GPM6A: variants seen among roughly 807,000 people sequenced by gnomAD.
GPM6A encodes glycoprotein M6A.
A neutral mutation model predicts 32.1 loss-of-function variants in GPM6A; 7 were observed. The observed-to-expected ratio is 0.22, with a 90% CI of 0.12 to 0.41. The LOEUF (loss-of-function observed/expected upper bound fraction) is 0.41. GPM6A is among the 10% of genes least tolerant of loss of function. The pLI is 1.00. For synonymous variants in GPM6A, 130 were observed against 123.4 expected (o/e 1.05, Z -0.35); for missense variants, 235 against 347.2 (o/e 0.68, Z 2.57).
At chr4:175,719,634 A>G (rs1185974667) in intron 1 of GPM6A, among the ~76,000 whole-genome samples, 1 of 152,070 alleles carries the variant, frequency 6.6e-6, no homozygotes, top group East Asian at 1.9e-4. Flanking sequence ...AATTGCCACC[A>G]TTTGTTAAAA....
intron 3 of GPM6A, among the ~76,000 whole-genome samples, chr4:175,658,118 G>T (rs542798615): frequency 6.6e-6 from 1 of 151,954 alleles, no homozygotes; most frequent in African/African-American, 2.4e-5. Context: ...GATTTGTTAC[G>T]CTTATAACAA....
intron 6 of GPM6A, among the ~76,000 whole-genome samples, chr4:175,635,654 C>T (rs1740535625): frequency 6.6e-6 from 1 of 152,020 alleles, no homozygotes; most frequent in Non-Finnish European, 1.5e-5. Context: ...TGGAATAGTG[C>T]CATGTTCAAA....
chr4:175,812,311 T>TTG, upstream of GPM6A: 5 of 1,152,058 alleles, frequency 4.3e-6, no homozygotes, highest in Non-Finnish European at 2.2e-6. Context: ...GTTTTTTTTT[T>TTG]TTTTTTTTTT....
intron 1 of GPM6A, among the ~76,000 whole-genome samples, chr4:175,984,033 A>ACC (rs1740894612): frequency 1.3e-5 from 2 of 151,896 alleles, no homozygotes; most frequent in African/African-American, 4.8e-5. Context: ...TCACACACAC[A>ACC]CACACACTCA....
intron 1 of GPM6A, among the ~76,000 whole-genome samples, chr4:175,912,532 G>A (rs1266203176): frequency 2.0e-5 from 3 of 152,140 alleles, no homozygotes; most frequent in Non-Finnish European, 4.4e-5. Context: ...GTGCATGCCT[G>A]TAGTCCCAGC....
chr4:175,686,382 A>G (rs1488991124), intron 2 of GPM6A, among the ~76,000 whole-genome samples: 5 of 152,236 alleles, frequency 3.3e-5, no homozygotes, highest in South Asian at 2.1e-4. Flanking sequence ...GTGAATATTA[A>G]CTTTCATGGC....
intron 1 of GPM6A, among the ~76,000 whole-genome samples, chr4:175,967,609 C>T (rs1161690316): frequency 6.6e-6 from 1 of 152,066 alleles, no homozygotes; most frequent in Non-Finnish European, 1.5e-5. Context: ...TAGTCAATCA[C>T]TTTCTTATAT....
intron 1 of GPM6A, among the ~76,000 whole-genome samples, chr4:175,892,563 C>T (rs1403628955): frequency 6.6e-6 from 1 of 152,114 alleles, no homozygotes; most frequent in East Asian, 1.9e-4. Context: ...ATATTTTCAT[C>T]CACTTTGTAA....
chr4:175,958,258 G>A (rs911559774), intron 1 of GPM6A, among the ~76,000 whole-genome samples: 2 of 152,100 alleles, frequency 1.3e-5, no homozygotes, highest in Non-Finnish European at 2.9e-5. Context: ...AATATTAGTT[G>A]GGCCATATAA....
intron 1 of GPM6A, among the ~76,000 whole-genome samples, chr4:175,710,936 G>A (rs1419389742): frequency 6.6e-6 from 1 of 151,948 alleles, no homozygotes; most frequent in Non-Finnish European, 1.5e-5. Context: ...GTATTACCAG[G>A]ACACCCAATG....
chr4:175,923,413 G>A (rs1047856450), intron 1 of GPM6A, among the ~76,000 whole-genome samples: 16 of 150,152 alleles, frequency 1.1e-4, no homozygotes, highest in African/African-American at 3.2e-4. Flanking sequence ...TGAATAGTGA[G>A]AGGCAAGCAT....
chr4:175,897,938 T>G (rs1180748706), intron 1 of GPM6A, among the ~76,000 whole-genome samples: 1 of 152,162 alleles, frequency 6.6e-6, no homozygotes, highest in East Asian at 1.9e-4. Context: ...CCTGTTATAT[T>G]TTACTAAAGT....
At chr4:175,651,066 C>G (rs1741774620) in intron 4 of GPM6A, among the ~76,000 whole-genome samples, 1 of 152,142 alleles carries the variant, frequency 6.6e-6, no homozygotes, top group Non-Finnish European at 1.5e-5. Flanking sequence ...AGCAAGAACA[C>G]AGCCTCTGAT....
At chr4:175,719,280 C>T (rs1003516138) in intron 1 of GPM6A, among the ~76,000 whole-genome samples, 2 of 151,800 alleles carry the variant, frequency 1.3e-5, no homozygotes, top group Non-Finnish European at 2.9e-5. Context: ...TTCACTGCAA[C>T]CTCTGCCTCC....
chr4:175,786,128 C>T (rs1485187040), intron 1 of GPM6A, among the ~76,000 whole-genome samples: 2 of 152,150 alleles, frequency 1.3e-5, no homozygotes, highest in African/African-American at 2.4e-5. Context: ...AACACAGTGA[C>T]ATCCATTAAC....
intron 1 of GPM6A, among the ~76,000 whole-genome samples, chr4:175,825,894 T>C (rs1735418624): frequency 6.6e-6 from 1 of 152,012 alleles, no homozygotes; most frequent in Admixed American, 6.6e-5. Context: ...AAAAAAAAAG[T>C]CTTGGCTGGG....
intron 2 of GPM6A, among the ~76,000 whole-genome samples, chr4:175,697,193 A>G (rs915280134): frequency 2.0e-5 from 3 of 152,150 alleles, no homozygotes; most frequent in Non-Finnish European, 4.4e-5. Context: ...GCTATTCAAA[A>G]AGCCAAGTCA....
At chr4:175,973,965 G>T (rs1488905273) in intron 1 of GPM6A, among the ~76,000 whole-genome samples, 5 of 152,084 alleles carry the variant, frequency 3.3e-5, no homozygotes, top group Non-Finnish European at 7.3e-5. Context: ...TGGCACAGTG[G>T]CTCATGCCTA....
At chr4:175,742,722 A>G (rs1731937968) in intron 1 of GPM6A, among the ~76,000 whole-genome samples, 1 of 152,196 alleles carries the variant, frequency 6.6e-6, no homozygotes. Flanking sequence ...ACACAAGAGC[A>G]GAAGTGATTT....
Sources: allele counts gnomAD v4.1 joint callset (sites outside exome capture counted in the v4.1 genomes callset), GRCh38; gene constraint gnomAD v4.1.1; transcripts MANE v1.5; gene names NCBI Gene and HGNC (gene_info 2026-07-23, HGNC 2026-07-21).